Variants in FTO observed in about 807,000 individuals in gnomAD.
The protein encoded by FTO is FTO alpha-ketoglutarate dependent dioxygenase.
In FTO, 47 loss-of-function variants were observed where a neutral mutation model predicts 63.9. The ratio of observed to expected loss-of-function variants is 0.74; its 90% confidence interval spans 0.58 to 0.94. The LOEUF is 0.94. Ranked by LOEUF, FTO falls within the 40% of genes least tolerant of loss-of-function variation. The pLI is 0.00. For synonymous variants in FTO, 207 were observed against 224.4 expected (o/e 0.92, Z 0.69); for missense variants, 562 against 618.1 (o/e 0.91, Z 0.96).
intron 1 of FTO, among the ~76,000 whole-genome samples, chr16:53,752,071 G>A (rs978458093): frequency 6.6e-6 from 1 of 152,136 alleles, no homozygotes; most frequent in South Asian, 2.1e-4. Context: ...ATTCATTGTG[G>A]CATTATTTGT....
At chr16:53,795,685 TATC>T (rs1175798690) in intron 1 of FTO, among the ~76,000 whole-genome samples, 1 of 152,186 alleles carries the variant, frequency 6.6e-6, no homozygotes, top group African/African-American at 2.4e-5. Context: ...TATTGAGTAG[TATC>T]ATCATGTTGA....
At chr16:53,797,479 A>G (rs1424856055) in intron 1 of FTO, among the ~76,000 whole-genome samples, 1 of 152,198 alleles carries the variant, frequency 6.6e-6, no homozygotes, top group Admixed American at 6.5e-5. Context: ...ATGTTGTTGT[A>G]TGCTTCACTA....
At chr16:53,955,236 C>G (rs1299551670) in intron 8 of FTO, among the ~76,000 whole-genome samples, 1 of 152,134 alleles carries the variant, frequency 6.6e-6, no homozygotes, top group Non-Finnish European at 1.5e-5. Context: ...TTACTGAACA[C>G]CTAACAGTGT....
rs183161479 is a variant in FTO, at chr16:53,865,490, A to G, written c.896-8296A>G. Among the ~76,000 whole-genome samples, 25 of 152,284 alleles carry G rather than the reference A, an allele frequency of 1.6e-4. No individual in the cohort carries two copies. The East Asian group carries it at 4.4e-3, about 27-fold the overall frequency. On this transcript the variant is annotated intron_variant, in intron 4 of 8. Coordinates refer to ENST00000471389, the MANE Select transcript of FTO (RefSeq NM_001080432.3). ...TTGCATTTTGTAGTTATTATTTTGC[A>G]ATGTCCTAAGGTTTTGTGACTTATT...
At chr16:53,999,006 A>G (rs1346355659) in intron 8 of FTO, among the ~76,000 whole-genome samples, 1 of 152,226 alleles carries the variant, frequency 6.6e-6, no homozygotes, top group Admixed American at 6.5e-5. Context: ...GGAAACTTCC[A>G]TAACAGAACC....
intron 3 of FTO, among the ~76,000 whole-genome samples, chr16:53,837,373 C>T (rs181393586): frequency 1.6e-4 from 24 of 152,330 alleles, no homozygotes; most frequent in Non-Finnish European, 3.1e-4. Context: ...CAATATTTCA[C>T]CTGAAATCCT....
chr16:53,952,601 GT>G (rs1423033430), intron 8 of FTO, among the ~76,000 whole-genome samples: 2 of 152,132 alleles, frequency 1.3e-5, no homozygotes, highest in African/African-American at 2.4e-5. Context: ...ATCTAATCTT[GT>G]GGGAAACTGA....
chr16:54,091,810 G>A (rs183052273), intron 8 of FTO, among the ~76,000 whole-genome samples: 46 of 152,262 alleles, frequency 3.0e-4, no homozygotes, highest in Non-Finnish European at 8.8e-5. Flanking sequence ...GTGACCTTGG[G>A]CAAATTACAT....
intron 8 of FTO, among the ~76,000 whole-genome samples, chr16:53,975,223 T>G (rs1281969276): frequency 6.6e-6 from 1 of 151,338 alleles, no homozygotes; most frequent in Non-Finnish European, 1.5e-5. Context: ...TTTTTTTTGG[T>G]GTTGCAGTTG....
intron 8 of FTO, among the ~76,000 whole-genome samples, chr16:54,004,898 A>G (rs1388440415): frequency 1.3e-5 from 2 of 151,756 alleles, no homozygotes; most frequent in Admixed American, 1.3e-4. Context: ...GTGAAACCCC[A>G]TCTCTACTAA....
intron 1 of FTO, among the ~76,000 whole-genome samples, chr16:53,796,071 C>T (rs2078062648): frequency 1.5e-5 from 2 of 136,448 alleles, no homozygotes; most frequent in African/African-American, 2.8e-5. Context: ...TTTTTGGAGA[C>T]GGAGTCTCAC....
At chr16:54,035,296 G>A (rs1467109579) in intron 8 of FTO, among the ~76,000 whole-genome samples, 1 of 152,176 alleles carries the variant, frequency 6.6e-6, no homozygotes, top group East Asian at 1.9e-4. Context: ...AAACCCCTAC[G>A]AGGCTCCTTC....
At position 54,009,004 on chromosome 16, in the gene FTO, C is replaced by T. The variant is rs1461713653; in HGVS notation, c.1364+74895C>T. Among the ~76,000 whole-genome samples, 4 of 80,204 alleles carry T rather than the reference C, an allele frequency of 5.0e-5. No individual in the cohort carries two copies. In the East Asian group the frequency reaches 9.9e-4, roughly 20 times the overall value. 52.6% of individuals were successfully genotyped at this position (80,204 alleles called of 152,430 possible). Reference sequence around the variant, plus strand: ...TCCAGCCTGAGTGACAGAAAAAGACCCTGTCCCCCCCCCAAAAAAAAAGTC... The same window carrying T: ...TCCAGCCTGAGTGACAGAAAAAGACTCTGTCCCCCCCCCAAAAAAAAAGTC... On this transcript the variant is annotated intron_variant, in intron 8 of 8. Coordinates refer to ENST00000471389, the MANE Select transcript of FTO (RefSeq NM_001080432.3).
At chr16:53,910,162 T>C (rs2081651567) in intron 7 of FTO, among the ~76,000 whole-genome samples, 1 of 152,036 alleles carries the variant, frequency 6.6e-6, no homozygotes, top group South Asian at 2.1e-4. Context: ...CTCTGTAACG[T>C]TAGTAGGGCA....
intron 8 of FTO, among the ~76,000 whole-genome samples, chr16:53,943,710 T>C (rs1374074313): frequency 6.6e-6 from 1 of 152,196 alleles, no homozygotes; most frequent in Non-Finnish European, 1.5e-5. Flanking sequence ...GTGACCAAAA[T>C]AAAGTCATTC....
intron 8 of FTO, among the ~76,000 whole-genome samples, chr16:54,074,917 A>AGTGTGTGTGT (rs3040381): frequency 7.5e-6 from 1 of 134,172 alleles, no homozygotes; most frequent in African/African-American, 2.9e-5. Flanking sequence ...AGAGAGAGAG[A>AGTGTGTGTGT]GTGTGTGTGT....
At position 53,888,868 on chromosome 16, in the gene FTO, G is replaced by A; in HGVS notation, c.1156G>A (p.Gly386Ser). 1.9e-6 allele frequency: 3 copies of A among 1,614,060 alleles called. No homozygotes were observed. Among genetic ancestry groups the A allele is most frequent in the Non-Finnish European group, 2.5e-6 (3 of 1,179,952 alleles). Residue 386 changes from glycine to serine, a missense_variant, in exon 7 of 9, where the codon GGC becomes AGC. Gly to Ser is a moderately conservative substitution (Grantham distance 56). Coordinates refer to ENST00000471389, the MANE Select transcript of FTO (RefSeq NM_001080432.3). Reference sequence around the variant, plus strand: ...GTGGCTGAGGCAGTTTTGGTTTCAAGGCAATCGATACAGAAAGTGCACTGA... The same window carrying A: ...GTGGCTGAGGCAGTTTTGGTTTCAAAGCAATCGATACAGAAAGTGCACTGA... Reference protein sequence around the residue: ...FEWLRQFWFQGNRYRKCTDWW... With the variant: ...FEWLRQFWFQSNRYRKCTDWW...
At chr16:54,014,208 G>A (rs192213941) in intron 8 of FTO, among the ~76,000 whole-genome samples, 1 of 152,268 alleles carries the variant, frequency 6.6e-6, no homozygotes, top group Admixed American at 6.5e-5. Flanking sequence ...TTGGATATTT[G>A]TCTGCTCCAA....
intron 7 of FTO, among the ~76,000 whole-genome samples, chr16:53,924,169 T>A (rs988777250): frequency 1.3e-5 from 2 of 152,172 alleles, no homozygotes; most frequent in African/African-American, 4.8e-5. Flanking sequence ...TTATCAAGCA[T>A]TTTGTGTATG....
Sources: allele counts gnomAD v4.1 joint callset (sites outside exome capture counted in the v4.1 genomes callset), GRCh38; gene constraint gnomAD v4.1.1; transcripts MANE v1.5; gene names NCBI Gene and HGNC (gene_info 2026-07-23, HGNC 2026-07-21).